LRFN2: variants seen among roughly 807,000 people sequenced by gnomAD.
The protein encoded by LRFN2 is leucine-rich repeat and fibronectin type-III domain-containing protein 2.
LRFN2 carries 18 observed loss-of-function variants against 37.3 expected under a neutral mutation model. The ratio of observed to expected loss-of-function variants is 0.48; its 90% CI spans 0.33 to 0.72. The LOEUF is 0.72. LRFN2 is among the 30% of genes least tolerant of loss of function. LRFN2 has a pLI of 0.02. For synonymous variants in LRFN2, 556 were observed against 466.6 expected, an observed-to-expected ratio of 1.19 and a Z score of -2.47; for missense variants, 1,006 against 1,060.7, an observed-to-expected ratio of 0.95 and a Z score of 0.72.
At chr6:40,541,784 G>A (rs1013946090) in intron 1 of LRFN2, among the ~76,000 whole-genome samples, 9 of 152,300 alleles carry the variant, frequency 5.9e-5, no homozygotes, top group Middle Eastern at 6.8e-3. Context: ...CTCCTGAAAC[G>A]TGGGCCTCTG....
chr6:40,551,699 G>C (rs553436007), intron 1 of LRFN2, among the ~76,000 whole-genome samples: 1 of 152,122 alleles, frequency 6.6e-6, no homozygotes, highest in African/African-American at 2.4e-5. Context: ...GATTGATTCC[G>C]GGATAGAACT....
chr6:40,405,596 C>T (rs779574291), intron 2 of LRFN2, among the ~76,000 whole-genome samples: 8 of 152,140 alleles, frequency 5.3e-5, no homozygotes, highest in Admixed American at 2.0e-4. Context: ...GAAATCCAGG[C>T]CTCAGGGATT....
At chr6:40,400,139 C>T (rs958846605) in intron 2 of LRFN2, among the ~76,000 whole-genome samples, 4 of 151,850 alleles carry the variant, frequency 2.6e-5, no homozygotes, top group East Asian at 3.8e-4. Context: ...CTTACAGTCC[C>T]CTGTTAAAGC....
chr6:40,476,773 G>A (rs971749920), intron 1 of LRFN2, among the ~76,000 whole-genome samples: 12 of 152,342 alleles, frequency 7.9e-5, no homozygotes, highest in Non-Finnish European at 1.2e-4. Flanking sequence ...CCACACTGGG[G>A]CAATCCTGAG....
rs967388833 is a variant in LRFN2 at position 40,391,735 on chromosome 6, A to T, written c.*208T>A. 7 of 456,526 alleles carry T rather than the reference A, an allele frequency of 1.5e-5. No individual in the cohort carries two copies. Among genetic ancestry groups the T allele is most frequent in the Non-Finnish European group, 2.3e-5 (6 of 264,658 alleles). 28.3% of individuals were successfully genotyped at this position (456,526 alleles called of 1,614,324 possible). A position where few individuals can be genotyped will look rare whatever the true frequency, so the allele number is the denominator to read the frequency against. ...CAGGGCTCAGTCCGGCATTTGAGCG[A>T]GTCCACATTCCCTGAGCACACCCCG... On this transcript the variant is annotated 3_prime_UTR_variant, in exon 3 of 3. Coordinates refer to ENST00000338305, the MANE Select transcript of LRFN2 (RefSeq NM_020737.3).
At chr6:40,419,653 T>A (rs1231437589) in intron 2 of LRFN2, among the ~76,000 whole-genome samples, 1 of 152,198 alleles carries the variant, frequency 6.6e-6, no homozygotes, top group African/African-American at 2.4e-5. Context: ...CACAGGCCTT[T>A]GACTGGGCCT....
intron 1 of LRFN2, among the ~76,000 whole-genome samples, chr6:40,485,138 G>T (rs962317616): frequency 1.3e-5 from 2 of 152,168 alleles, no homozygotes; most frequent in African/African-American, 4.8e-5. Flanking sequence ...TTTCAGGGAG[G>T]TCATGTGTAT....
chr6:40,543,315 C>G (rs549959897), intron 1 of LRFN2, among the ~76,000 whole-genome samples: 1 of 152,354 alleles, frequency 6.6e-6, no homozygotes, highest in South Asian at 2.1e-4. Flanking sequence ...CCAGGACACA[C>G]AGAAATTATA....
intron 1 of LRFN2, among the ~76,000 whole-genome samples, chr6:40,553,831 A>G (rs1341742863): frequency 6.6e-6 from 1 of 152,234 alleles, no homozygotes; most frequent in Non-Finnish European, 1.5e-5. Context: ...CCTTACTTAT[A>G]GGAAGCTGGT....
intron 1 of LRFN2, among the ~76,000 whole-genome samples, chr6:40,484,806 C>T (rs539038702): frequency 1.3e-5 from 2 of 152,340 alleles, no homozygotes; most frequent in East Asian, 1.9e-4. Context: ...TTGTAGGCCC[C>T]TCTAGCCCTC....
At chr6:40,402,471 G>A (rs1273527665) in intron 2 of LRFN2, among the ~76,000 whole-genome samples, 2 of 152,188 alleles carry the variant, frequency 1.3e-5, no homozygotes, top group Admixed American at 6.5e-5. Flanking sequence ...AAAATAACAT[G>A]CCTTACTTTA....
chr6:40,524,556 A>C (rs920499365), intron 1 of LRFN2, among the ~76,000 whole-genome samples: 4 of 152,100 alleles, frequency 2.6e-5, no homozygotes, highest in African/African-American at 9.7e-5. Flanking sequence ...TCTTTCTTGG[A>C]GGCCTGGCTC....
chr6:40,568,754 T>A (rs1180389149), intron 1 of LRFN2, among the ~76,000 whole-genome samples: 1 of 148,534 alleles, frequency 6.7e-6, no homozygotes, highest in Admixed American at 6.8e-5. Context: ...GGAGTTTCGC[T>A]CTTGTTGCCT....
At chr6:40,466,770 A>G (rs866004826) in intron 1 of LRFN2, among the ~76,000 whole-genome samples, 2 of 152,196 alleles carry the variant, frequency 1.3e-5, no homozygotes, top group Admixed American at 1.3e-4. Flanking sequence ...TATAGGATGA[A>G]TATGGCCAAA....
At chr6:40,557,265 A>G (rs375056036) in intron 1 of LRFN2, among the ~76,000 whole-genome samples, 21 of 152,358 alleles carry the variant, frequency 1.4e-4, no homozygotes, top group African/African-American at 4.6e-4. Context: ...CCTGGCCCCA[A>G]GGCACCGACA....
chr6:40,550,724 T>C (rs569162243), intron 1 of LRFN2, among the ~76,000 whole-genome samples: 5 of 152,298 alleles, frequency 3.3e-5, no homozygotes, highest in South Asian at 4.1e-4. Context: ...CTGGTGTATA[T>C]TGGGTGTGTT....
At chr6:40,561,965 G>A (rs1767002874) in intron 1 of LRFN2, among the ~76,000 whole-genome samples, 1 of 152,134 alleles carries the variant, frequency 6.6e-6, no homozygotes, top group Admixed American at 6.5e-5. Flanking sequence ...GTCTTATTCA[G>A]CCCCACGGCC....
chr6:40,522,489 G>A (rs1581775380), intron 1 of LRFN2, among the ~76,000 whole-genome samples: 3 of 152,258 alleles, frequency 2.0e-5, no homozygotes, highest in Non-Finnish European at 4.4e-5. Context: ...GGTAGGTGAG[G>A]CAGAGAGGTT....
chr6:40,585,852 TACACACACAC>T (rs59391301), intron 1 of LRFN2, among the ~76,000 whole-genome samples: 1 of 148,688 alleles, frequency 6.7e-6, no homozygotes. Flanking sequence ...CACACACGCG[TACACACACAC>T]ACACACACAC....
Sources: allele counts gnomAD v4.1 joint callset (sites outside exome capture counted in the v4.1 genomes callset), GRCh38; gene constraint gnomAD v4.1.1; transcripts MANE v1.5; gene names NCBI Gene and HGNC (gene_info 2026-07-23, HGNC 2026-07-21).